Variants in GLG1 observed in about 807,000 individuals in gnomAD.
GLG1 encodes the protein golgi glycoprotein 1.
Under a neutral mutation model 160.5 loss-of-function variants are expected in GLG1, and 38 were observed. That is an observed-to-expected ratio of 0.24 (90% CI 0.18 to 0.31). The LOEUF is 0.31. GLG1 is among the 10% of genes least tolerant of loss of function. The pLI is 1.00. For synonymous variants in GLG1, 644 were observed against 543.4 expected (o/e 1.19, Z -2.57); for missense variants, 1,373 against 1,505.2 (o/e 0.91, Z 1.45).
At chr16:74,597,580 G>A (rs373897105) in intron 1 of GLG1, among the ~76,000 whole-genome samples, 11 of 148,860 alleles carry the variant, frequency 7.4e-5, no homozygotes, top group South Asian at 2.1e-4. Flanking sequence ...TTAGCCGGGC[G>A]CAGTGGCTCA....
chr16:74,456,418 C>G, intron 25 of GLG1: 1 of 468,768 alleles, frequency 2.1e-6, no homozygotes, highest in Admixed American at 4.1e-5. Context: ...CCTCGGCCTC[C>G]CAAAACGCTG....
At chr16:74,542,495 C>A (rs1417447568) in intron 1 of GLG1, among the ~76,000 whole-genome samples, 1 of 151,740 alleles carries the variant, frequency 6.6e-6, no homozygotes, top group African/African-American at 2.4e-5. Context: ...GTGGTGAAAC[C>A]CCATCTCTAT....
At chr16:74,478,142 A>AT (rs769253843) in intron 11 of GLG1, among the ~76,000 whole-genome samples, 18 of 152,218 alleles carry the variant, frequency 1.2e-4, no homozygotes, top group Admixed American at 5.9e-4. Flanking sequence ...AACTGGCTTC[A>AT]TTCAGACTAG....
chr16:74,548,752 T>C (rs9888913), intron 1 of GLG1, among the ~76,000 whole-genome samples: 3,209 of 152,164 alleles, frequency 0.021, 99 homozygotes, highest in African/African-American at 0.073. Flanking sequence ...TCCCAGCACT[T>C]TGTGAGGCTG....
At chr16:74,565,202 G>A (rs894176842) in intron 1 of GLG1, among the ~76,000 whole-genome samples, 1 of 152,042 alleles carries the variant, frequency 6.6e-6, no homozygotes, top group Admixed American at 6.6e-5. Context: ...AGTAGCACAC[G>A]CCTATAATCC....
chr16:74,586,730 C>T (rs1327435256), intron 1 of GLG1, among the ~76,000 whole-genome samples: 2 of 151,604 alleles, frequency 1.3e-5, no homozygotes, highest in Admixed American at 1.3e-4. Context: ...TGTAGTCTCG[C>T]TATTGTTGCC....
intron 8 of GLG1, among the ~76,000 whole-genome samples, chr16:74,488,819 A>T (rs1597256911): frequency 6.6e-6 from 1 of 152,022 alleles, no homozygotes; most frequent in East Asian, 1.9e-4. Context: ...GAGTTTCACC[A>T]TGTTGGCCAG....
chr16:74,550,171 G>A (rs1038661257), intron 1 of GLG1, among the ~76,000 whole-genome samples: 1 of 151,932 alleles, frequency 6.6e-6, no homozygotes, highest in African/African-American at 2.4e-5. Context: ...TAGAACTTAA[G>A]GGGCACTAAA....
chr16:74,532,106 A>G lies in GLG1; in HGVS notation c.471+15T>C, dbSNP rs2017552081. Reference sequence around the variant, plus strand: ...ATAAAGCACATATGGCGCATCACAGAAAATCCATACTTACATGATTGCAGT... The same window carrying G: ...ATAAAGCACATATGGCGCATCACAGGAAATCCATACTTACATGATTGCAGT... On this transcript the variant is annotated intron_variant, in intron 2 of 25. Coordinates refer to ENST00000422840, the MANE Select transcript of GLG1 (RefSeq NM_001145667.2). 1 of 1,329,116 alleles carries G rather than the reference A, an allele frequency of 7.5e-7. No homozygotes were observed. Among genetic ancestry groups the G allele is most frequent in the Non-Finnish European group, 1.0e-6 (1 of 986,946 alleles). The allele number at this position is 1,329,116 out of a possible 1,614,324, so 82.3% of individuals were successfully genotyped here.
At chr16:74,504,215 A>G (rs1449816234) in intron 3 of GLG1, among the ~76,000 whole-genome samples, 1 of 152,176 alleles carries the variant, frequency 6.6e-6, no homozygotes, top group Non-Finnish European at 1.5e-5. Flanking sequence ...ACAGAAAACT[A>G]TTATTGTTAG....
At chr16:74,512,783 T>A (rs1466153966) in intron 2 of GLG1, among the ~76,000 whole-genome samples, 2 of 150,856 alleles carry the variant, frequency 1.3e-5, no homozygotes, top group Non-Finnish European at 2.9e-5. Flanking sequence ...ACAATAAAAA[T>A]ATAGTGTGAT....
chr16:74,539,662 G>C (rs3096393), intron 1 of GLG1, among the ~76,000 whole-genome samples: 3 of 151,640 alleles, frequency 2.0e-5, no homozygotes, highest in Non-Finnish European at 4.4e-5. Flanking sequence ...TGAAAACACA[G>C]AGCAATCGCT....
chr16:74,556,395 T>C (rs908612020), intron 1 of GLG1, among the ~76,000 whole-genome samples: 1 of 152,212 alleles, frequency 6.6e-6, no homozygotes, highest in Admixed American at 6.5e-5. Context: ...CCTCTTTCCA[T>C]AAAATTTTTG....
intron 3 of GLG1, among the ~76,000 whole-genome samples, chr16:74,506,461 A>G (rs1157878528): frequency 6.6e-6 from 1 of 151,628 alleles, no homozygotes; most frequent in Non-Finnish European, 1.5e-5. Context: ...AGGTGCCTGT[A>G]GTCCCAGCTA....
intron 9 of GLG1, 110 bp downstream of exon 9, chr16:74,485,686 A>C (rs1383402468): frequency 6.1e-6 from 6 of 980,448 alleles, no homozygotes; most frequent in Non-Finnish European, 9.2e-6. Flanking sequence ...CTTGTTCAAC[A>C]AAATTTCAGT....
chr16:74,534,513 T>C (rs1597319948), intron 1 of GLG1, among the ~76,000 whole-genome samples: 1 of 152,184 alleles, frequency 6.6e-6, no homozygotes, highest in African/African-American at 2.4e-5. Context: ...TTTAGAGCAT[T>C]GGAGAATTTT....
rs1258067436 is a variant in GLG1, at chr16:74,462,079, G to A, written c.3036+15C>T. The A allele has an allele frequency of 7.0e-7, 1 of 1,421,358 alleles. No homozygotes were observed. Among genetic ancestry groups the A allele is most frequent in the African/African-American group, 1.4e-5 (1 of 71,144 alleles). 88.0% of individuals were successfully genotyped at this position (1,421,358 alleles called of 1,614,324 possible). ...AGCAGCTCTGTGCGTAACCAGTTTTGCACGCAAATCCCACCTCGTCTGAGC... is the reference window on the plus strand; with the variant it reads ...AGCAGCTCTGTGCGTAACCAGTTTTACACGCAAATCCCACCTCGTCTGAGC... On this transcript the variant is annotated intron_variant, in intron 22 of 25. Coordinates refer to ENST00000422840, the MANE Select transcript of GLG1 (RefSeq NM_001145667.2).
intron 2 of GLG1, among the ~76,000 whole-genome samples, chr16:74,519,781 A>T (rs2143548186): frequency 6.6e-6 from 1 of 152,282 alleles, no homozygotes; most frequent in Admixed American, 6.5e-5. Flanking sequence ...CCATATTTTT[A>T]AACTACATGC....
intron 25 of GLG1, among the ~76,000 whole-genome samples, chr16:74,453,767 G>A (rs1339276700): frequency 6.6e-6 from 1 of 152,106 alleles, no homozygotes; most frequent in Admixed American, 6.5e-5. Flanking sequence ...ATAAGGCCAT[G>A]GGTTCTTCTA....
Sources: gnomAD v4.1 joint callset for allele counts (sites outside exome capture counted in the v4.1 genomes callset) on GRCh38, gnomAD v4.1.1 for gene constraint, MANE v1.5 for transcripts, NCBI Gene and HGNC (gene_info 2026-07-23, HGNC 2026-07-21) for gene names.